WLS: variants seen among roughly 807,000 people sequenced by gnomAD.
The protein encoded by WLS is Wnt ligand secretion mediator, also known as protein wntless homolog.
In WLS, 23 loss-of-function variants were observed where a neutral mutation model predicts 62.8. That is an observed-to-expected ratio of 0.37 (90% CI 0.26 to 0.52). WLS has a LOEUF of 0.52. Ranked by LOEUF, WLS falls within the 20% of genes least tolerant of loss-of-function variation. The pLI is 0.92. For missense variants in WLS, 615 were observed against 697.3 expected, an observed-to-expected ratio of 0.88 and a Z score of 1.33; for synonymous variants, 246 against 244.1, an observed-to-expected ratio of 1.01 and a Z score of -0.07.
intron 1 of WLS, among the ~76,000 whole-genome samples, chr1:68,213,212 A>C (rs1008811466): frequency 6.6e-6 from 1 of 152,114 alleles, no homozygotes; most frequent in Non-Finnish European, 1.5e-5. Flanking sequence ...GCACTTTGGG[A>C]GGCCGAGGCA....
intron 11 of WLS, among the ~76,000 whole-genome samples, chr1:68,116,125 G>A (rs1646288567): frequency 6.6e-6 from 1 of 152,196 alleles, no homozygotes; most frequent in Non-Finnish European, 1.5e-5. Context: ...TTAATGCTGA[G>A]CTGGAGAAGC....
downstream of WLS, among the ~76,000 whole-genome samples, chr1:68,121,499 A>G (rs944092952): frequency 6.6e-6 from 1 of 152,200 alleles, no homozygotes; most frequent in Admixed American, 6.5e-5. Context: ...AGGCCCCCCG[A>G]TGTCAGCAGA....
intron 8 of WLS, 48 bp from the exon 9 acceptor site, chr1:68,146,060 G>A (rs768659636): frequency 6.2e-7 from 1 of 1,603,852 alleles, no homozygotes; most frequent in Non-Finnish European, 8.5e-7. Context: ...AGGCCAAGTT[G>A]AGCCGGGTCC....
chr1:68,170,301 G>T (rs1647132619), intron 2 of WLS, among the ~76,000 whole-genome samples: 1 of 151,744 alleles, frequency 6.6e-6, no homozygotes, highest in South Asian at 2.1e-4. Context: ...GAGTAACTGG[G>T]ATTACATGCA....
intron 2 of WLS, chr1:68,162,295 A>G (rs1021763216): frequency 1.9e-6 from 3 of 1,610,704 alleles, no homozygotes; most frequent in African/African-American, 2.7e-5. Flanking sequence ...GTTCACAAGG[A>G]ATGCTCCCTG....
At chr1:68,215,317 G>C (rs1361386753) in intron 1 of WLS, among the ~76,000 whole-genome samples, 1 of 152,132 alleles carries the variant, frequency 6.6e-6, no homozygotes, top group African/African-American at 2.4e-5. Context: ...AACCACGCAA[G>C]TCATATAAAA....
At position 68,206,937 on chromosome 1, in the gene WLS, TC is replaced by T. The variant is rs60666175; in HGVS notation, c.107-12711del. Among the ~76,000 whole-genome samples, 1,285 of 152,224 alleles carry T rather than the reference TC, an allele frequency of 8.4e-3. 21 individuals are homozygous for T. The highest frequency in any genetic ancestry group is 0.029 in the African/African-American group (1,221 of 41,530). ...CTGGCTGTCCCTATCAGGCCCCTCCTCCCCCTCCTTGTCCTTATATTTTCAC... is the reference window on the plus strand; with the variant it reads ...CTGGCTGTCCCTATCAGGCCCCTCCTCCCCTCCTTGTCCTTATATTTTCAC... On this transcript the variant is annotated intron_variant, in intron 1 of 11. Coordinates refer to ENST00000262348, the MANE Select transcript of WLS (RefSeq NM_024911.7).
chr1:68,231,802 C>G (rs1203588531), intron 1 of WLS: 1 of 488,174 alleles, frequency 2.0e-6, no homozygotes, highest in East Asian at 5.9e-5. Flanking sequence ...ACGTTGCCCT[C>G]CCGGAGCTGA....
At chr1:68,203,018 C>G (rs1286909532) in intron 1 of WLS, 2 of 152,110 alleles carry the variant, frequency 1.3e-5, no homozygotes, top group African/African-American at 4.8e-5. Context: ...CTCTAAAGTG[C>G]CTATTACACT....
At chr1:68,209,364 G>T (rs1649413775) in intron 1 of WLS, among the ~76,000 whole-genome samples, 1 of 152,200 alleles carries the variant, frequency 6.6e-6, no homozygotes, top group South Asian at 2.1e-4. Context: ...TTTGCCTCAT[G>T]TTACACTGAC....
At position 68,135,154 on chromosome 1, in the gene WLS, T is replaced by G. The variant is rs570923215; in HGVS notation, c.1516+2626A>C. Among the ~76,000 whole-genome samples the G allele has an allele frequency of 2.2e-5, 3 of 138,068 alleles. No homozygotes were observed. The South Asian group carries it at 7.1e-4, about 33-fold the overall frequency. The allele number at this position is 138,068 out of a possible 152,430, so 90.6% of individuals were successfully genotyped here. A position where few individuals can be genotyped will look rare whatever the true frequency, so the allele number is the denominator to read the frequency against. On this transcript the variant is annotated intron_variant, in intron 11 of 11. Transcript: ENST00000262348. ...TTCTTTTCTTTTCTTTTCTTTTCTT[T>G]TGAGACAGGGCCTCCTCTATCTATC...
In WLS at chr1:68,177,066, A is replaced by G. The variant is rs191716843; in HGVS notation, c.379+16889T>C. 8.7e-4 allele frequency among the ~76,000 whole-genome samples: 133 copies of G among 152,360 alleles called. 1 individual carries two copies. Among genetic ancestry groups the G allele is most frequent in the Non-Finnish European group, 1.6e-3 (111 of 68,046 alleles). ...TCTTAATATTCTTCCATTTCAAAATATTTTAATTTACATGCTGCTATGTTT... is the reference window on the plus strand; with the variant it reads ...TCTTAATATTCTTCCATTTCAAAATGTTTTAATTTACATGCTGCTATGTTT... On this transcript the variant is annotated intron_variant, in intron 2 of 11. Transcript: ENST00000262348.
intron 1 of WLS, among the ~76,000 whole-genome samples, chr1:68,212,984 A>G (rs995084411): frequency 2.0e-5 from 3 of 152,258 alleles, no homozygotes; most frequent in African/African-American, 7.2e-5. Flanking sequence ...ATGATCATCT[A>G]AAATAAATTT....
In WLS at chr1:68,176,398, C is replaced by T. The variant is rs578027539; in HGVS notation, c.380-17151G>A. 10 of 152,330 alleles carry T rather than the reference C, an allele frequency of 6.6e-5. No individual in the cohort carries two copies. In the South Asian group the frequency reaches 2.1e-3, roughly 32 times the overall value. 9.4% of individuals were successfully genotyped at this position (152,330 alleles called of 1,614,324 possible). On this transcript the variant is annotated intron_variant, in intron 2 of 11. Transcript: ENST00000262348. Reference sequence around the variant, plus strand: ...CCATTAAAAGGTTCACAGATGCCCTCCCGTTGGGAAAACCACCAAGTGAGA... The same window carrying T: ...CCATTAAAAGGTTCACAGATGCCCTTCCGTTGGGAAAACCACCAAGTGAGA...
chr1:68,133,792 C>T lies in WLS; in HGVS notation c.1516+3988G>A, dbSNP rs188449380. On this transcript the variant is annotated intron_variant, in intron 11 of 11. Coordinates refer to ENST00000262348, the MANE Select transcript of WLS (RefSeq NM_024911.7). ...TCCTTCCTACCCACTTCTACTTCCT[C>T]CTGACACTTGGCATGTCCCTCCAAC... 3.2e-4 allele frequency among the ~76,000 whole-genome samples: 48 copies of T among 152,322 alleles called. No homozygotes were observed. In the East Asian group the frequency reaches 8.9e-3, roughly 28 times the overall value.
intron 1 of WLS, among the ~76,000 whole-genome samples, chr1:68,199,542 A>G (rs1380413205): frequency 6.6e-6 from 1 of 152,140 alleles, no homozygotes; most frequent in East Asian, 1.9e-4. Context: ...TTTTCTGCAG[A>G]TATCTGTGCT....
intron 10 of WLS, among the ~76,000 whole-genome samples, chr1:68,140,006 A>G (rs765822896): frequency 1.3e-5 from 2 of 152,270 alleles, no homozygotes; most frequent in Non-Finnish European, 2.9e-5. Flanking sequence ...TAACACAAAT[A>G]TTAGCAAAGC....
chr1:68,123,258 A>G (rs1337356250), downstream of WLS, among the ~76,000 whole-genome samples: 1 of 152,110 alleles, frequency 6.6e-6, no homozygotes, highest in Non-Finnish European at 1.5e-5. Flanking sequence ...CACCAAATCC[A>G]AGAGACTTGG....
At chr1:68,143,434 A>G (rs1306182646) in intron 10 of WLS, among the ~76,000 whole-genome samples, 1 of 152,242 alleles carries the variant, frequency 6.6e-6, no homozygotes, top group South Asian at 2.1e-4. Context: ...TGCTCTGCTA[A>G]CTACATTTGG....
Sources: allele counts gnomAD v4.1 joint callset (sites outside exome capture counted in the v4.1 genomes callset), GRCh38; gene constraint gnomAD v4.1.1; transcripts MANE v1.5; gene names NCBI Gene and HGNC (gene_info 2026-07-23, HGNC 2026-07-21).